The following ADAMTSL4 variants were observed in gnomAD, a reference collection of about 807,000 sequenced individuals.
The protein encoded by ADAMTSL4 is ADAMTS like 4.
A neutral mutation model predicts 122.8 loss-of-function variants in ADAMTSL4; 97 were observed. The observed-to-expected ratio is 0.79, with a 90% CI of 0.67 to 0.93. The LOEUF (loss-of-function observed/expected upper bound fraction) is 0.93, where lower values mean the gene tolerates loss of function less well. Among genes scored for constraint, ADAMTSL4 ranks in the 40% least tolerant of loss-of-function variants. The pLI is 0.00. For synonymous variants in ADAMTSL4, 592 were observed against 568.0 expected (o/e 1.04, Z -0.60); for missense variants, 1,408 against 1,453.5 (o/e 0.97, Z 0.51).
chr1:150,553,745 C>G lies in ADAMTSL4; in HGVS notation c.754C>G (p.His252Asp). 1 of 1,613,444 alleles carries G rather than the reference C, an allele frequency of 6.2e-7. No homozygotes were observed. ...PRTRPAPLRH[H>D]PRAQASGTEP... Reference sequence around the variant, plus strand: ...AACCAGGCCTGCCCCCCTACGGCATCACCCCAGAGCCCAGGCCTCTGGCAC... The same window carrying G: ...AACCAGGCCTGCCCCCCTACGGCATGACCCCAGAGCCCAGGCCTCTGGCAC... Residue 252 changes from histidine (H) to aspartate (D), a missense_variant, in exon 6 of 19, where the codon CAC (histidine) becomes GAC (aspartate). Transcript: ENST00000271643.
chr1:150,550,262 G>A (rs1671257327), intron 2 of ADAMTSL4: 1 of 456,472 alleles, frequency 2.2e-6, no homozygotes, highest in East Asian at 6.9e-5. Context: ...CACCAAATGA[G>A]GGACATGGAA....
At chr1:150,550,672 C>T in intron 2 of ADAMTSL4, 1 of 447,882 alleles carries the variant, frequency 2.2e-6, no homozygotes, top group East Asian at 7.0e-5. Flanking sequence ...GGGCCCTTCT[C>T]TGGAGATCCT....
chr1:150,559,409 G>A lies in ADAMTSL4; in HGVS notation c.2886G>A (p.Leu962=). 2 of 1,613,576 alleles carry A rather than the reference G, an allele frequency of 1.2e-6. No individual in the cohort carries two copies. The highest frequency in any genetic ancestry group is 1.7e-6 in the Non-Finnish European group (2 of 1,179,988). ...NCSHLPRPPA[L]QPCQGQACQD... ...CTCACCTCCCCAGGCCCCCTGCCCT[G>A]CAGCCCTGTCAAGGGCAGGCCTGCC... Residue 962 remains leucine, a synonymous_variant, in exon 17 of 19, where the codon CTG becomes CTA. Transcript: ENST00000271643. This position sits in a 1 kb window ranked among gnomAD's most constrained non-coding sequence, Gnocchi z 4.1.
chr1:150,556,772 C>T lies in ADAMTSL4; in HGVS notation c.1728C>T (p.Thr576=). The change falls in exon 10 of 19, where the codon ACC becomes ACT. Residue 576 remains threonine, a synonymous_variant. Coordinates refer to ENST00000271643, the MANE Select transcript of ADAMTSL4 (RefSeq NM_019032.6). This position sits in a 1 kb window ranked among gnomAD's most constrained non-coding sequence, Gnocchi z 4.1. Reference sequence around the variant, plus strand: ...AGAGTCTGTCGGCTGAAGGCCCCACCACCCAGCCTGTGGATGTCTATGTGA... The same window carrying T: ...AGAGTCTGTCGGCTGAAGGCCCCACTACCCAGCCTGTGGATGTCTATGTGA... ...KGESLSAEGP[T]TQPVDVYMIF... is the part of the protein sequence containing the mutation. 1 of 1,613,340 alleles carries T rather than the reference C, an allele frequency of 6.2e-7. No homozygotes were observed. Among genetic ancestry groups the T allele is most frequent in the East Asian group, 2.2e-5 (1 of 44,826 alleles).
Position 150,549,948 on chromosome 1 carries a change from G to C in ADAMTSL4, c.-85+53G>C. Reference sequence around the variant, plus strand: ...GATGGCAGAAGAGGTTGACAAAAAAGAAAGACACCTGTTGGGGTGGCCTGC... The same window carrying C: ...GATGGCAGAAGAGGTTGACAAAAAACAAAGACACCTGTTGGGGTGGCCTGC... On this transcript the variant is annotated intron_variant, in intron 2 of 18. Coordinates refer to ENST00000271643, the MANE Select transcript of ADAMTSL4 (RefSeq NM_019032.6). The surrounding 1 kb of genome is among the most constrained non-coding windows in gnomAD (Gnocchi z 5.0). 1 of 248,958 alleles carries C rather than the reference G, an allele frequency of 4.0e-6. No individual in the cohort carries two copies. The highest frequency in any genetic ancestry group is 8.3e-6 in the Non-Finnish European group (1 of 120,224). The allele number at this position is 248,958 out of a possible 1,614,324, so 15.4% of individuals were successfully genotyped here.
chr1:150,556,902 C>A lies in ADAMTSL4; in HGVS notation c.1750-37C>A, dbSNP rs369500626. 1 of 1,609,064 alleles carries A rather than the reference C, an allele frequency of 6.2e-7. No individual in the cohort carries two copies. Among genetic ancestry groups the A allele is most frequent in the South Asian group, 1.1e-5 (1 of 90,972 alleles). ...GAGAGCTGGTGGCATCCTCTTCTGG[C>A]CACCCCCACATATTCATTATCTTCT... On this transcript the variant is annotated intron_variant, in intron 10 of 18. Coordinates refer to ENST00000271643, the MANE Select transcript of ADAMTSL4 (RefSeq NM_019032.6). This position sits in a 1 kb window ranked among gnomAD's most constrained non-coding sequence, Gnocchi z 4.1.
rs146017344 is a variant in ADAMTSL4, at chr1:150,558,046, C to T, written c.2279C>T (p.Ser760Leu). ...CAGGAATTTGGGGGGGGTGGCTCCT[C>T]GGTGCCCCCGGAGCGCTGTGGACAT... ...CRQEFGGGGSSVPPERCGHLP... is the reference protein window; with the variant it reads ...CRQEFGGGGSLVPPERCGHLP... The change falls in exon 14 of 19, where the codon TCG becomes TTG. Residue 760 changes from serine to leucine, a missense_variant. Coordinates refer to ENST00000271643, the MANE Select transcript of ADAMTSL4 (RefSeq NM_019032.6). The T allele has an allele frequency of 1.3e-4, 213 of 1,612,902 alleles. No homozygotes were observed. Among genetic ancestry groups the T allele is most frequent in the African/African-American group, 5.7e-4 (43 of 75,046 alleles).
rs1195345108 is a variant in ADAMTSL4 at position 150,552,253 on chromosome 1, G to A, written c.-36G>A. The stretch of plus-strand genomic sequence containing the variant: ...CCTGCGTAGTTTTTGTGACCAGTCC[G>A]CTCCTGCCTCCCCCTGGGGCAGTAG... On this transcript the variant is annotated 5_prime_UTR_variant, in exon 3 of 19. Transcript: ENST00000271643. The surrounding 1 kb of genome is among the most constrained non-coding windows in gnomAD (Gnocchi z 4.0). 17 of 1,549,722 alleles carry A rather than the reference G, an allele frequency of 1.1e-5. No individual in the cohort carries two copies. Among genetic ancestry groups the A allele is most frequent in the Admixed American group, 3.9e-5 (2 of 50,908 alleles).
In ADAMTSL4 at chr1:150,557,353, G is replaced by T; in HGVS notation, c.2047+18G>T. The T allele has an allele frequency of 1.2e-6, 2 of 1,606,534 alleles. No individual in the cohort carries two copies. The highest frequency in any genetic ancestry group is 1.7e-6 in the Non-Finnish European group (2 of 1,177,050). ...CGGGAAAGGTGAGACATCACAGTGC[G>T]TTCCCCGCATCTCGGTCCAAACCCC... On this transcript the variant is annotated intron_variant, in intron 12 of 18. Transcript: ENST00000271643.
Position 150,558,616 on chromosome 1 carries a change from T to C in ADAMTSL4, c.2526T>C (p.Thr842=). The C allele has an allele frequency of 1.2e-6, 2 of 1,613,926 alleles. No individual in the cohort carries two copies. The highest frequency in any genetic ancestry group is 1.7e-6 in the Non-Finnish European group (2 of 1,179,998). ...SREACDMGPC[T]TAWFHSDWSS... ...AGGCCTGTGACATGGGGCCCTGTACTACTGCCTGGTTCCACAGCGACTGGA... is the reference window on the plus strand; with the variant it reads ...AGGCCTGTGACATGGGGCCCTGTACCACTGCCTGGTTCCACAGCGACTGGA... The change falls in exon 15 of 19, where the codon ACT becomes ACC. Residue 842 remains threonine (T), a synonymous_variant. Transcript: ENST00000271643.
chr1:150,559,386 C>A lies in ADAMTSL4; in HGVS notation c.2863C>A (p.His955Asn), dbSNP rs1672556016. ...CGTGACTTCTCCGAGCAACTGTTCT[C>A]ACCTCCCCAGGCCCCCTGCCCTGCA... ...FNVTSPSNCS[H>N]LPRPPALQPC... Residue 955 changes from histidine to asparagine, a missense_variant, in exon 17 of 19, where the codon CAC (histidine) becomes AAC (asparagine). His to Asn is a moderately conservative substitution (Grantham distance 68). Transcript: ENST00000271643. This position sits in a 1 kb window ranked among gnomAD's most constrained non-coding sequence, Gnocchi z 4.1. The A allele has an allele frequency of 6.2e-7, 1 of 1,613,818 alleles. No homozygotes were observed. The highest frequency in any genetic ancestry group is 2.2e-5 in the East Asian group (1 of 44,888).
chr1:150,559,076 C>T lies in ADAMTSL4; in HGVS notation c.2674C>T (p.Pro892Ser). The change falls in exon 16 of 19, where the codon CCA becomes TCA. Residue 892 changes from proline (P) to serine (S), a missense_variant. Physicochemically the swap from Pro to Ser is moderately conservative, Grantham distance 74. Transcript: ENST00000271643. This position sits in a 1 kb window ranked among gnomAD's most constrained non-coding sequence, Gnocchi z 4.1. ...EAGAGTGQSC[P>S]TGSRPPDMRA... is the part of the protein sequence containing the mutation. ...AGGAGCAGGAACTGGGCAGAGCTGT[C>T]CAACAGGAAGCCGGCCCCCTGACAT... 6.2e-7 allele frequency: 1 copy of T among 1,612,774 alleles called. No individual in the cohort carries two copies. The highest frequency in any genetic ancestry group is 8.5e-7 in the Non-Finnish European group (1 of 1,179,944).
chr1:150,552,838 G>A lies in ADAMTSL4; in HGVS notation c.79-60G>A. ...GTGAGCCTCAGTGTTGGTCTACATG[G>A]ACACTCTGGACAGTTCCCTCTAATC... On this transcript the variant is annotated intron_variant, in intron 4 of 18. Coordinates refer to ENST00000271643, the MANE Select transcript of ADAMTSL4 (RefSeq NM_019032.6). The surrounding 1 kb of genome is among the most constrained non-coding windows in gnomAD (Gnocchi z 4.0). 6.5e-7 allele frequency: 1 copy of A among 1,549,864 alleles called. No homozygotes were observed. Among genetic ancestry groups the A allele is most frequent in the South Asian group, 1.1e-5 (1 of 89,834 alleles).
At position 150,560,421 on chromosome 1, in the gene ADAMTSL4, G is replaced by T; in HGVS notation, c.*225G>T. On this transcript the variant is annotated 3_prime_UTR_variant, in exon 19 of 19. Coordinates refer to ENST00000271643, the MANE Select transcript of ADAMTSL4 (RefSeq NM_019032.6). ...GCACATATGCCTCAGGTGTGCTTTT[G>T]GGACTGCATGGATATGTGTGTGCTC... The T allele has an allele frequency of 1.6e-6, 1 of 635,336 alleles. No individual in the cohort carries two copies. The highest frequency in any genetic ancestry group is 1.9e-5 in the South Asian group (1 of 51,366). 39.4% of individuals were successfully genotyped at this position (635,336 alleles called of 1,614,324 possible).
In ADAMTSL4 at chr1:150,556,885, G is replaced by A; in HGVS notation, c.1750-54G>A. The A allele has an allele frequency of 5.6e-6, 9 of 1,609,296 alleles. No homozygotes were observed. The highest frequency in any genetic ancestry group is 7.7e-6 in the Non-Finnish European group (9 of 1,175,712). ...GTTGTCAAGATGGGAGAGAGAGCTG[G>A]TGGCATCCTCTTCTGGCCACCCCCA... is the stretch of plus-strand genomic sequence containing the variant. On this transcript the variant is annotated intron_variant, in intron 10 of 18. Coordinates refer to ENST00000271643, the MANE Select transcript of ADAMTSL4 (RefSeq NM_019032.6). The surrounding 1 kb of genome is among the most constrained non-coding windows in gnomAD (Gnocchi z 4.1).
rs587695953 is a variant in ADAMTSL4, at chr1:150,559,405, C to T, written c.2882C>T (p.Ala961Val). ...SNCSHLPRPP[A>V]LQPCQGQACQ... Reference sequence around the variant, plus strand: ...TGTTCTCACCTCCCCAGGCCCCCTGCCCTGCAGCCCTGTCAAGGGCAGGCC... The same window carrying T: ...TGTTCTCACCTCCCCAGGCCCCCTGTCCTGCAGCCCTGTCAAGGGCAGGCC... The change falls in exon 17 of 19, where the codon GCC becomes GTC. Residue 961 changes from alanine (A) to valine (V), a missense_variant. Physicochemically the swap from Ala to Val is moderately conservative, Grantham distance 64. Transcript: ENST00000271643. The surrounding 1 kb of genome is among the most constrained non-coding windows in gnomAD (Gnocchi z 4.1). The T allele has an allele frequency of 9.9e-6, 16 of 1,613,590 alleles. No individual in the cohort carries two copies. The South Asian group carries it at 1.5e-4, about 16-fold the overall frequency.
rs56055939 is a variant in ADAMTSL4, at chr1:150,558,055, C to G, written c.2288C>G (p.Pro763Arg). 6,730 of 1,613,052 alleles carry G rather than the reference C, an allele frequency of 4.2e-3. 30 individuals are homozygous for G. The highest frequency in any genetic ancestry group is 4.5e-3 in the Non-Finnish European group (5,267 of 1,179,984). The change falls in exon 14 of 19, where the codon CCG (proline) becomes CGG (arginine). Residue 763 changes from proline (P) to arginine (R), a missense_variant. Physicochemically the swap from Pro to Arg is moderately radical, Grantham distance 103. Transcript: ENST00000271643. ...EFGGGGSSVPPERCGHLPRPN... is the reference protein window; with the variant it reads ...EFGGGGSSVPRERCGHLPRPN... Reference sequence around the variant, plus strand: ...GGGGGGGGTGGCTCCTCGGTGCCCCCGGAGCGCTGTGGACATCTCCCCCGG... The same window carrying G: ...GGGGGGGGTGGCTCCTCGGTGCCCCGGGAGCGCTGTGGACATCTCCCCCGG...
In ADAMTSL4 at chr1:150,560,423, G is replaced by A. The variant is rs1672654397; in HGVS notation, c.*227G>A. On this transcript the variant is annotated 3_prime_UTR_variant, in exon 19 of 19. Coordinates refer to ENST00000271643, the MANE Select transcript of ADAMTSL4 (RefSeq NM_019032.6). ...ACATATGCCTCAGGTGTGCTTTTGG[G>A]ACTGCATGGATATGTGTGTGCTCAA... The A allele has an allele frequency of 1.6e-6, 1 of 633,008 alleles. No individual in the cohort carries two copies. The highest frequency in any genetic ancestry group is 2.9e-5 in the Admixed American group (1 of 34,186). The allele number at this position is 633,008 out of a possible 1,614,324, so 39.2% of individuals were successfully genotyped here.
intron 13 of ADAMTSL4, 158 bp downstream of exon 13, chr1:150,557,781 C>A: frequency 7.7e-7 from 1 of 1,306,338 alleles, no homozygotes; most frequent in South Asian, 1.4e-5. Context: ...AGCAAGAAAG[C>A]CATGGCAGGC....
Sources: allele counts gnomAD v4.1 joint callset, GRCh38; gene constraint gnomAD v4.1.1; non-coding constraint Gnocchi (gnomAD v3.1); transcripts MANE v1.5; gene names NCBI Gene and HGNC (gene_info 2026-07-23, HGNC 2026-07-21).